ZBTB20: variants seen among roughly 807,000 people sequenced by gnomAD.
The protein encoded by ZBTB20 is zinc finger and BTB domain containing 20.
Under a neutral mutation model 56.9 loss-of-function variants are expected in ZBTB20, and 9 were observed. The observed-to-expected ratio is 0.16, with a 90% confidence interval of 0.10 to 0.28. ZBTB20 has a LOEUF of 0.28. Among genes scored for constraint, ZBTB20 ranks in the 10% least tolerant of loss-of-function variants. The probability of loss-of-function intolerance (pLI) is 1.00; values close to 1 mark genes in which losing one functional copy is unlikely to be tolerated. For missense variants in ZBTB20, 655 were observed against 1,003.0 expected (o/e 0.65, Z 4.69); for synonymous variants, 417 against 420.7 (o/e 0.99, Z 0.11).
intron 2 of ZBTB20, among the ~76,000 whole-genome samples, chr3:115,052,314 G>T (rs1172065407): frequency 1.3e-5 from 2 of 151,690 alleles, no homozygotes; most frequent in African/African-American, 2.4e-5. Flanking sequence ...AAAATTAGCT[G>T]GGCATGGTGG....
intron 3 of ZBTB20, among the ~76,000 whole-genome samples, chr3:114,946,647 T>C (rs1429202592): frequency 6.9e-6 from 1 of 145,418 alleles, no homozygotes. Flanking sequence ...AAACACATAT[T>C]ACCAAAATGG....
chr3:114,744,841 T>C (rs563032072), intron 5 of ZBTB20, among the ~76,000 whole-genome samples: 2 of 152,056 alleles, frequency 1.3e-5, no homozygotes, highest in Non-Finnish European at 2.9e-5. Flanking sequence ...AGGCATTATA[T>C]AGAAAAACAC....
At chr3:114,692,270 A>G (rs2062742786) in intron 6 of ZBTB20, among the ~76,000 whole-genome samples, 1 of 152,092 alleles carries the variant, frequency 6.6e-6, no homozygotes, top group Admixed American at 6.6e-5. Flanking sequence ...TAGCATAGCA[A>G]GTAAAGCGTG....
intron 7 of ZBTB20, among the ~76,000 whole-genome samples, chr3:114,407,743 TTCC>T (rs1167159637): frequency 1.3e-5 from 2 of 152,196 alleles, no homozygotes; most frequent in Admixed American, 1.3e-4. Context: ...ATCATCTTTT[TTCC>T]TCTTCTCCAA....
At chr3:114,938,727 C>T (rs1223543860) in intron 3 of ZBTB20, among the ~76,000 whole-genome samples, 1 of 145,394 alleles carries the variant, frequency 6.9e-6, no homozygotes, top group Non-Finnish European at 1.5e-5. Flanking sequence ...ATGTAGATGA[C>T]AGGTTGATGG....
rs2074853595 is a variant in ZBTB20 at position 114,895,806 on chromosome 3, A to C, written c.-417+4498T>G. ...CTAATTTACTTTAATCCACATATCCACCATTAAAAAGGTAGGTGTTGTTAC... is the reference window on the plus strand; with the variant it reads ...CTAATTTACTTTAATCCACATATCCCCCATTAAAAAGGTAGGTGTTGTTAC... On this transcript the variant is annotated intron_variant, in intron 4 of 11. Coordinates refer to ENST00000675478, the MANE Select transcript of ZBTB20 (RefSeq NM_001348800.3). Among the ~76,000 whole-genome samples the C allele has an allele frequency of 2.0e-5, 3 of 152,276 alleles. No individual in the cohort carries two copies. In the South Asian group the frequency reaches 6.2e-4, roughly 32 times the overall value.
At chr3:114,999,865 T>A (rs1007164565) in intron 2 of ZBTB20, among the ~76,000 whole-genome samples, 1 of 151,636 alleles carries the variant, frequency 6.6e-6, no homozygotes. Flanking sequence ...ACAATAGAAA[T>A]AATAAAACAA....
intron 7 of ZBTB20, among the ~76,000 whole-genome samples, chr3:114,461,416 C>T (rs2092326001): frequency 6.6e-6 from 1 of 152,016 alleles, no homozygotes; most frequent in South Asian, 2.1e-4. Context: ...AATCCTCCAG[C>T]CTCAGCATCC....
chr3:114,848,231 C>T (rs1194655485), intron 4 of ZBTB20, among the ~76,000 whole-genome samples: 8 of 152,254 alleles, frequency 5.3e-5, no homozygotes, highest in Admixed American at 2.6e-4. Flanking sequence ...ACTCACACAA[C>T]ACACACACTG....
chr3:114,993,826 A>T (rs1481737465), intron 2 of ZBTB20, among the ~76,000 whole-genome samples: 1 of 151,830 alleles, frequency 6.6e-6, no homozygotes, highest in African/African-American at 2.4e-5. Flanking sequence ...AAAATTAATT[A>T]GTTTAGGATC....
At chr3:114,444,084 A>C (rs942860226) in intron 7 of ZBTB20, among the ~76,000 whole-genome samples, 6 of 152,164 alleles carry the variant, frequency 3.9e-5, no homozygotes, top group Non-Finnish European at 8.8e-5. Context: ...CTTAGGAAAC[A>C]AGGATTGTTC....
chr3:114,577,053 T>C (rs559771026), intron 6 of ZBTB20, among the ~76,000 whole-genome samples: 177 of 152,290 alleles, frequency 1.2e-3, no homozygotes, highest in Non-Finnish European at 2.2e-3. Flanking sequence ...ATTTACTTGT[T>C]ATAATCTCTT....
At chr3:114,818,747 C>A (rs1316002317) in intron 4 of ZBTB20, among the ~76,000 whole-genome samples, 1 of 151,516 alleles carries the variant, frequency 6.6e-6, no homozygotes, top group Non-Finnish European at 1.5e-5. Context: ...TGAAAAAAAA[C>A]TAGAGATAAT....
At chr3:114,490,679 C>A (rs1207617186) in intron 7 of ZBTB20, among the ~76,000 whole-genome samples, 2 of 152,124 alleles carry the variant, frequency 1.3e-5, no homozygotes, top group African/African-American at 2.4e-5. Flanking sequence ...TATACCAATA[C>A]CATACTTCAA....
intron 4 of ZBTB20, among the ~76,000 whole-genome samples, chr3:114,865,143 A>G (rs1167227891): frequency 2.6e-5 from 4 of 152,142 alleles, no homozygotes; most frequent in African/African-American, 9.6e-5. Context: ...AGCAAACTGA[A>G]GCATGTGGCA....
At chr3:114,393,896 C>G (rs968623896) in intron 7 of ZBTB20, among the ~76,000 whole-genome samples, 1 of 152,112 alleles carries the variant, frequency 6.6e-6, no homozygotes, top group African/African-American at 2.4e-5. Flanking sequence ...TCATTGTTGG[C>G]GTTTCTGCAG....
At chr3:114,569,560 C>A (rs2053188544) in intron 6 of ZBTB20, among the ~76,000 whole-genome samples, 1 of 152,218 alleles carries the variant, frequency 6.6e-6, no homozygotes. Flanking sequence ...GCTACCACCT[C>A]CAGTTAAGAA....
chr3:114,421,792 AT>A (rs1037555530), intron 7 of ZBTB20, among the ~76,000 whole-genome samples: 10 of 141,480 alleles, frequency 7.1e-5, no homozygotes, highest in African/African-American at 2.6e-4. Context: ...CATTAAAGTC[AT>A]TTTAAGACTA....
At chr3:114,734,543 T>C (rs2065992926) in intron 5 of ZBTB20, among the ~76,000 whole-genome samples, 1 of 152,178 alleles carries the variant, frequency 6.6e-6, no homozygotes, top group African/African-American at 2.4e-5. Context: ...AATTTTACCA[T>C]AGACTAATTG....
Sources: allele counts gnomAD v4.1 joint callset (sites outside exome capture counted in the v4.1 genomes callset), GRCh38; gene constraint gnomAD v4.1.1; transcripts MANE v1.5; gene names NCBI Gene and HGNC (gene_info 2026-07-23, HGNC 2026-07-21).